STK32B: variants seen among roughly 807,000 people sequenced by gnomAD.
STK32B encodes the protein serine/threonine-protein kinase 32B.
A neutral mutation model predicts 52.6 loss-of-function variants in STK32B; 43 were observed. The observed-to-expected ratio is 0.82, with a 90% CI of 0.64 to 1.05. The LOEUF (loss-of-function observed/expected upper bound fraction) is 1.05. STK32B is among the 50% of genes least tolerant of loss of function. The pLI is 0.00. For missense variants in STK32B, 621 were observed against 534.6 expected (o/e 1.16, Z -1.59); for synonymous variants, 238 against 204.3 (o/e 1.17, Z -1.41).
intron 4 of STK32B, among the ~76,000 whole-genome samples, chr4:5,351,653 C>T (rs1036593638): frequency 6.6e-6 from 1 of 151,696 alleles, no homozygotes; most frequent in African/African-American, 2.4e-5. Context: ...TAAACAAATA[C>T]AAATGATCAA....
At chr4:5,272,970 C>T (rs1378372790) in intron 3 of STK32B, among the ~76,000 whole-genome samples, 1 of 145,660 alleles carries the variant, frequency 6.9e-6, no homozygotes, top group Non-Finnish European at 1.5e-5. Context: ...GCAATGGCAA[C>T]AAAAGACAAA....
At chr4:5,196,856 C>CA (rs1553848584) in intron 3 of STK32B, among the ~76,000 whole-genome samples, 2 of 152,124 alleles carry the variant, frequency 1.3e-5, no homozygotes, top group Non-Finnish European at 1.5e-5. Context: ...TAGGTGAGCA[C>CA]AGCACTCCAC....
At chr4:5,328,486 A>G (rs553393490) in intron 3 of STK32B, among the ~76,000 whole-genome samples, 2 of 152,316 alleles carry the variant, frequency 1.3e-5, no homozygotes, top group South Asian at 2.1e-4. Flanking sequence ...GGGAATAGAA[A>G]GGCCCAAGGA....
At chr4:5,212,088 G>T (rs867086723) in intron 3 of STK32B, among the ~76,000 whole-genome samples, 1 of 152,154 alleles carries the variant, frequency 6.6e-6, no homozygotes, top group Non-Finnish European at 1.5e-5. Context: ...GGACACAGGC[G>T]ATTTTATTTA....
rs746703732 is a variant in STK32B at position 5,140,834 on chromosome 4, A to G, written c.108+874A>G. Reference sequence around the variant, plus strand: ...GCATGCAAACTCTGTACCAGGCACTATTTTAGACTCTGTTGATCAGTAGTA... The same window carrying G: ...GCATGCAAACTCTGTACCAGGCACTGTTTTAGACTCTGTTGATCAGTAGTA... On this transcript the variant is annotated intron_variant, in intron 2 of 11. Transcript: ENST00000282908. Among the ~76,000 whole-genome samples the G allele has an allele frequency of 5.3e-5, 8 of 152,222 alleles. 1 individual carries two copies. The South Asian group carries it at 8.3e-4, about 16-fold the overall frequency.
At chr4:5,391,062 C>A (rs778090044) in intron 4 of STK32B, among the ~76,000 whole-genome samples, 4 of 151,194 alleles carry the variant, frequency 2.6e-5, no homozygotes, top group Admixed American at 1.3e-4. Context: ...AGGTTCACAC[C>A]ATTCTCCTGC....
intron 7 of STK32B, among the ~76,000 whole-genome samples, chr4:5,455,483 A>G (rs3821926): frequency 0.61 from 93,114 of 152,130 alleles, 28,733 homozygotes; most frequent in East Asian, 0.7. Flanking sequence ...AGGGGAGTTC[A>G]TTCCCAACTC....
intron 4 of STK32B, among the ~76,000 whole-genome samples, chr4:5,381,120 A>G (rs374557309): frequency 1.3e-5 from 2 of 152,240 alleles, no homozygotes; most frequent in African/African-American, 4.8e-5. Flanking sequence ...TTTTAAGTAG[A>G]CAGTAGTGCC....
At chr4:5,200,076 C>G (rs973434925) in intron 3 of STK32B, among the ~76,000 whole-genome samples, 22 of 152,120 alleles carry the variant, frequency 1.4e-4, no homozygotes, top group African/African-American at 5.1e-4. Flanking sequence ...CACTAGCTGC[C>G]AGGCCTCAGA....
At chr4:5,315,716 G>T (rs7684132) in intron 3 of STK32B, among the ~76,000 whole-genome samples, 17,360 of 143,682 alleles carry the variant, frequency 0.12, 2,599 homozygotes, top group African/African-American at 0.37. Context: ...GTTTCACCCA[G>T]ACTCCAGTTT....
chr4:5,145,836 A>C (rs534567338), intron 2 of STK32B, among the ~76,000 whole-genome samples: 3 of 152,118 alleles, frequency 2.0e-5, no homozygotes, highest in African/African-American at 7.2e-5. Context: ...AAAGTTTTCT[A>C]TTTCGATAAG....
intron 1 of STK32B, among the ~76,000 whole-genome samples, chr4:5,073,490 T>C (rs1187863669): frequency 6.6e-6 from 1 of 152,004 alleles, no homozygotes; most frequent in African/African-American, 2.4e-5. Flanking sequence ...TATGTGTTAT[T>C]ATTTTTTCTT....
intron 1 of STK32B, among the ~76,000 whole-genome samples, chr4:5,105,689 G>A (rs1714062114): frequency 6.6e-6 from 1 of 151,608 alleles, no homozygotes; most frequent in African/African-American, 2.4e-5. Context: ...TCAGCCTCCC[G>A]AGCAGCTGGG....
At chr4:5,206,013 TG>T (rs1328916754) in intron 3 of STK32B, among the ~76,000 whole-genome samples, 1 of 152,208 alleles carries the variant, frequency 6.6e-6, no homozygotes, top group Non-Finnish European at 1.5e-5. Flanking sequence ...CCAGTCAATG[TG>T]GGGCCAAGAC....
intron 1 of STK32B, among the ~76,000 whole-genome samples, chr4:5,137,635 G>C (rs1349653641): frequency 2.6e-5 from 4 of 152,210 alleles, no homozygotes; most frequent in Non-Finnish European, 4.4e-5. Context: ...GAGGCACACA[G>C]AGGCTAAATG....
intron 3 of STK32B, among the ~76,000 whole-genome samples, chr4:5,196,008 C>A (rs1306653640): frequency 6.6e-6 from 1 of 152,166 alleles, no homozygotes; most frequent in African/African-American, 2.4e-5. Context: ...CTGTTACCTG[C>A]CAAAGTTATG....
At chr4:5,369,919 A>G (rs1002044846) in intron 4 of STK32B, among the ~76,000 whole-genome samples, 2 of 151,444 alleles carry the variant, frequency 1.3e-5, no homozygotes, top group Non-Finnish European at 2.9e-5. Context: ...TCTGTCGCCC[A>G]GGCTGGAGTG....
rs537216088 is a variant in STK32B at position 5,469,514 on chromosome 4, G to C, written c.1106+1444G>C. Among the ~76,000 whole-genome samples the C allele has an allele frequency of 6.6e-6, 1 of 152,344 alleles. No homozygotes were observed. Among genetic ancestry groups the C allele is most frequent in the South Asian group, 2.1e-4 (1 of 4,824 alleles). Reference sequence around the variant, plus strand: ...GGCTGCCGCAGGGCCTAGAGAGTGAGGAGAGGTGAGGGATGGGGCAGGGAT... The same window carrying C: ...GGCTGCCGCAGGGCCTAGAGAGTGACGAGAGGTGAGGGATGGGGCAGGGAT... On this transcript the variant is annotated intron_variant, in intron 11 of 11. Coordinates refer to ENST00000282908, the MANE Select transcript of STK32B (RefSeq NM_018401.3). The surrounding 1 kb of genome is among the most constrained non-coding windows in gnomAD (Gnocchi z 4.7).
At chr4:5,338,786 A>G (rs1396946720) in intron 4 of STK32B, among the ~76,000 whole-genome samples, 1 of 152,214 alleles carries the variant, frequency 6.6e-6, no homozygotes, top group Non-Finnish European at 1.5e-5. Context: ...ACCCTGGGGA[A>G]AAGGAGATAT....
Sources: allele counts gnomAD v4.1 joint callset (sites outside exome capture counted in the v4.1 genomes callset), GRCh38; gene constraint gnomAD v4.1.1; non-coding constraint Gnocchi (gnomAD v3.1); transcripts MANE v1.5; gene names NCBI Gene and HGNC (gene_info 2026-07-23, HGNC 2026-07-21).